Variants in TAFA1 observed in about 807,000 individuals in gnomAD.
The protein encoded by TAFA1 is TAFA chemokine like family member 1.
A neutral mutation model predicts 18.5 loss-of-function variants in TAFA1; 4 were observed. That is an observed-to-expected ratio of 0.22 (90% CI 0.11 to 0.49). TAFA1 has a LOEUF of 0.49. Ranked by LOEUF, TAFA1 falls within the 20% of genes least tolerant of loss-of-function variation. The pLI is 0.98. For missense variants in TAFA1, 147 were observed against 169.0 expected, an observed-to-expected ratio of 0.87 and a Z score of 0.72; for synonymous variants, 56 against 55.2, an observed-to-expected ratio of 1.01 and a Z score of -0.06.
chr3:68,419,694 C>T (rs2070917344), intron 3 of TAFA1, among the ~76,000 whole-genome samples: 1 of 152,064 alleles, frequency 6.6e-6, no homozygotes, highest in Admixed American at 6.6e-5. Context: ...CATTGTTCTT[C>T]CTCTAGATAT....
chr3:68,044,490 C>T (rs938899536), intron 2 of TAFA1, among the ~76,000 whole-genome samples: 1 of 152,180 alleles, frequency 6.6e-6, no homozygotes, highest in Admixed American at 6.5e-5. Context: ...CTCCAGTCAC[C>T]TCCCTGACTT....
intron 2 of TAFA1, among the ~76,000 whole-genome samples, chr3:68,123,444 A>G (rs568487938): frequency 6.2e-4 from 95 of 152,276 alleles, no homozygotes; most frequent in African/African-American, 2.2e-3. Context: ...CTTTGCCCCA[A>G]TGTAGAGGAG....
chr3:68,141,509 C>G (rs1375275249), intron 2 of TAFA1, among the ~76,000 whole-genome samples: 1 of 152,192 alleles, frequency 6.6e-6, no homozygotes, highest in African/African-American at 2.4e-5. Flanking sequence ...TTGATAACTC[C>G]TCTGCCCTTA....
chr3:68,104,619 C>A (rs1156459727), intron 2 of TAFA1, among the ~76,000 whole-genome samples: 1 of 151,904 alleles, frequency 6.6e-6, no homozygotes, highest in Non-Finnish European at 1.5e-5. Context: ...AAACTATAGC[C>A]TAGAAGCCAA....
At chr3:68,524,986 T>C (rs2073086713) in intron 3 of TAFA1, among the ~76,000 whole-genome samples, 1 of 152,192 alleles carries the variant, frequency 6.6e-6, no homozygotes, top group South Asian at 2.1e-4. Flanking sequence ...TAGGTTTTAT[T>C]GTTGAACTTT....
intron 2 of TAFA1, among the ~76,000 whole-genome samples, chr3:68,399,690 G>C (rs1157556621): frequency 6.6e-6 from 1 of 152,176 alleles, no homozygotes; most frequent in East Asian, 1.9e-4. Flanking sequence ...AGTGGTTACT[G>C]TGTTCTAGGC....
At chr3:68,525,837 TTCTC>T (rs933140041) in intron 3 of TAFA1, among the ~76,000 whole-genome samples, 3 of 152,116 alleles carry the variant, frequency 2.0e-5, no homozygotes, top group African/African-American at 7.2e-5. Context: ...TATCCTGTTA[TTCTC>T]TCTCTCTTTT....
At position 68,497,523 on chromosome 3, in the gene TAFA1, G is replaced by A. The variant is rs1477171211; in HGVS notation, c.260-41233G>A. Among the ~76,000 whole-genome samples the A allele has an allele frequency of 5.9e-5, 9 of 152,140 alleles. No individual in the cohort carries two copies. In the East Asian group the frequency reaches 1.7e-3, roughly 29 times the overall value. On this transcript the variant is annotated intron_variant, in intron 3 of 4. Coordinates refer to ENST00000478136, the MANE Select transcript of TAFA1 (RefSeq NM_213609.4). The stretch of plus-strand genomic sequence containing the variant: ...GTAGAAATATGTCAGTTGGGAGGGT[G>A]GAAGGGTGGGAGGTTGGTAATGTGC...
chr3:67,993,247 TA>T, the TAFA1 span, among the ~76,000 whole-genome samples: 2 of 152,254 alleles, frequency 1.3e-5, no homozygotes, highest in Non-Finnish European at 1.5e-5. Context: ...ACAAAAGCGT[TA>T]GCTTGTATTT....
At chr3:68,042,405 G>A (rs1458743725) in intron 2 of TAFA1, among the ~76,000 whole-genome samples, 4 of 152,148 alleles carry the variant, frequency 2.6e-5, no homozygotes, top group African/African-American at 7.2e-5. Context: ...ATCCCAGCAC[G>A]TTGGGAGGCC....
At chr3:68,004,093 C>G (rs1704317324), upstream of TAFA1, 1 of 152,166 alleles carries the variant, frequency 6.6e-6, no homozygotes, top group South Asian at 2.1e-4. Context: ...ATCAGTAGGA[C>G]TTCTAATGTA....
rs370444613 is a variant in TAFA1 at position 68,453,103 on chromosome 3, C to T, written c.259+35683C>T. ...AAGATTCAAAAAATGAATTAATCTC[C>T]AGAGACATAAGCGCTTACTAACCTC... On this transcript the variant is annotated intron_variant, in intron 3 of 4. Transcript: ENST00000478136. Among the ~76,000 whole-genome samples, 28 of 152,252 alleles carry T rather than the reference C, an allele frequency of 1.8e-4. No homozygotes were observed. The East Asian group carries it at 2.1e-3, about 12-fold the overall frequency.
chr3:68,099,635 C>T (rs540631891), intron 2 of TAFA1, among the ~76,000 whole-genome samples: 3 of 152,224 alleles, frequency 2.0e-5, no homozygotes, highest in South Asian at 4.2e-4. Context: ...ACCCAACAAT[C>T]CCATTACTAG....
chr3:68,028,336 A>G (rs1040451679), intron 2 of TAFA1, among the ~76,000 whole-genome samples: 2 of 152,068 alleles, frequency 1.3e-5, no homozygotes, highest in Admixed American at 1.3e-4. Context: ...AAAAAAGTAT[A>G]TATATATAGC....
At chr3:68,402,751 C>T (rs2070522435) in intron 2 of TAFA1, among the ~76,000 whole-genome samples, 2 of 152,176 alleles carry the variant, frequency 1.3e-5, no homozygotes, top group Non-Finnish European at 2.9e-5. Flanking sequence ...ATGAGGTATG[C>T]ATGCACAGGC....
chr3:68,087,807 A>C (rs2064988472), intron 2 of TAFA1, among the ~76,000 whole-genome samples: 1 of 152,138 alleles, frequency 6.6e-6, no homozygotes, highest in Admixed American at 6.5e-5. Context: ...CATTTTGTGA[A>C]TGTCCCCTGA....
At chr3:68,309,514 A>G (rs886477213) in intron 2 of TAFA1, among the ~76,000 whole-genome samples, 4 of 152,230 alleles carry the variant, frequency 2.6e-5, no homozygotes, top group Admixed American at 6.5e-5. Flanking sequence ...GTAATTAGAC[A>G]TTGGGCACAA....
intron 2 of TAFA1, among the ~76,000 whole-genome samples, chr3:68,240,747 A>G (rs555409086): frequency 6.6e-6 from 1 of 152,300 alleles, no homozygotes; most frequent in South Asian, 2.1e-4. Flanking sequence ...AGAGGTCAGC[A>G]TGCACTCTGA....
intron 2 of TAFA1, among the ~76,000 whole-genome samples, chr3:68,379,754 C>CTTT (rs200795323): frequency 7.2e-6 from 1 of 139,018 alleles, no homozygotes; most frequent in South Asian, 2.4e-4. Context: ...CTCCAAAGTT[C>CTTT]TTTTTTTTTT....
Sources: allele counts gnomAD v4.1 joint callset (sites outside exome capture counted in the v4.1 genomes callset), GRCh38; gene constraint gnomAD v4.1.1; transcripts MANE v1.5; gene names NCBI Gene and HGNC (gene_info 2026-07-23, HGNC 2026-07-21).